The following ASPRV1 variants were observed in gnomAD, a reference collection of about 807,000 sequenced individuals.
ASPRV1 encodes aspartic peptidase retroviral like 1, also known as retroviral-like aspartic protease 1.
ASPRV1 carries 7 observed loss-of-function variants against 11.0 expected under a neutral mutation model. That is an observed-to-expected ratio of 0.64 (90% confidence interval 0.36 to 1.20). The LOEUF (loss-of-function observed/expected upper bound fraction) is 1.20, where lower values mean the gene tolerates loss of function less well. Among genes scored for constraint, ASPRV1 ranks in the 50% most tolerant of loss-of-function variants. The probability of loss-of-function intolerance (pLI) is 0.02; values close to 1 mark genes in which losing one functional copy is unlikely to be tolerated. For missense variants in ASPRV1, 299 were observed against 320.0 expected (o/e 0.93, Z 0.50); for synonymous variants, 136 against 138.4 (o/e 0.98, Z 0.12).
chr2:70,006,070 T>C, the ASPRV1 span, among the ~76,000 whole-genome samples: 4 of 152,240 alleles, frequency 2.6e-5, no homozygotes, highest in Admixed American at 2.6e-4. Context: ...GGCCTCTTTC[T>C]ACCCACTAGA....
the ASPRV1 span, chr2:70,086,624 G>C: frequency 4.6e-5 from 7 of 152,392 alleles, no homozygotes; most frequent in South Asian, 1.4e-3. Context: ...GCCCTGGCCG[G>C]CAGCCCCTGA....
At chr2:69,969,562 T>G in the ASPRV1 span, among the ~76,000 whole-genome samples, 1 of 152,178 alleles carries the variant, frequency 6.6e-6, no homozygotes, top group African/African-American at 2.4e-5. Flanking sequence ...TGTGGCTCCC[T>G]GAGGCTCTGT....
At chr2:70,026,161 A>G in the ASPRV1 span, among the ~76,000 whole-genome samples, 1 of 152,190 alleles carries the variant, frequency 6.6e-6, no homozygotes, top group African/African-American at 2.4e-5. Flanking sequence ...TCTACTAAAA[A>G]TACAAAAATT....
chr2:69,965,477 A>C (rs1678308966), upstream of ASPRV1, among the ~76,000 whole-genome samples: 1 of 151,958 alleles, frequency 6.6e-6, no homozygotes, highest in Non-Finnish European at 1.5e-5. Context: ...AAAAACAAAA[A>C]CTCATAAACT....
rs143824935 is a variant in ASPRV1 at position 69,960,996 on chromosome 2, G to T, written c.441C>A (p.Gly147=). The change falls in exon 1 of 1, where the codon GGC becomes GGA. Residue 147 remains glycine (G), a synonymous_variant. Transcript: ENST00000320256. ...HPNLWEEVTD[G]DLDTLQPFEN... is the part of the protein sequence containing the mutation. ...CAAAGGGCTGCAGGGTGTCCAGATCGCCATCAGTGACCTCCTCCCACAAGT... is the reference window on the plus strand; with the variant it reads ...CAAAGGGCTGCAGGGTGTCCAGATCTCCATCAGTGACCTCCTCCCACAAGT... 1 of 1,614,004 alleles carries T rather than the reference G, an allele frequency of 6.2e-7. No homozygotes were observed. The highest frequency in any genetic ancestry group is 1.6e-4 in the Middle Eastern group (1 of 6,062).
At chr2:70,051,068 G>A in the ASPRV1 span, 2 of 152,114 alleles carry the variant, frequency 1.3e-5, no homozygotes, top group African/African-American at 4.8e-5. Flanking sequence ...CATTCCTAAT[G>A]AGTGCTATGT....
the ASPRV1 span, among the ~76,000 whole-genome samples, chr2:70,020,744 G>C: frequency 1.3e-5 from 2 of 151,978 alleles, no homozygotes; most frequent in Non-Finnish European, 2.9e-5. Flanking sequence ...AAGACATTGT[G>C]CAGAGTGATG....
chr2:70,030,941 G>C, the ASPRV1 span: 10 of 152,114 alleles, frequency 6.6e-5, no homozygotes, highest in African/African-American at 2.2e-4. Flanking sequence ...AGAACTGCTA[G>C]GTCAGTGAAG....
the ASPRV1 span, among the ~76,000 whole-genome samples, chr2:70,028,188 C>T: frequency 6.6e-6 from 1 of 152,166 alleles, no homozygotes; most frequent in Non-Finnish European, 1.5e-5. Context: ...CAGCATTATT[C>T]TGAGCTGTTG....
the ASPRV1 span, among the ~76,000 whole-genome samples, chr2:70,005,867 A>G: frequency 1.3e-5 from 2 of 152,106 alleles, no homozygotes; most frequent in African/African-American, 4.8e-5. Flanking sequence ...CTTCCCTTCA[A>G]CCCAGATACC....
chr2:70,008,617 A>G, the ASPRV1 span, among the ~76,000 whole-genome samples: 1 of 151,492 alleles, frequency 6.6e-6, no homozygotes, highest in East Asian at 1.9e-4. Context: ...TTCTTAAAAC[A>G]TTATGAAATG....
the ASPRV1 span, chr2:70,060,256 A>ACTTGAACTCAG: frequency 1.4e-5 from 2 of 147,968 alleles, no homozygotes; most frequent in Admixed American, 1.4e-4. Context: ...CATGAGAATT[A>ACTTGAACTCAG]CTTGAACTCA....
the ASPRV1 span, among the ~76,000 whole-genome samples, chr2:70,071,021 T>A: frequency 6.6e-6 from 1 of 152,146 alleles, no homozygotes; most frequent in African/African-American, 2.4e-5. Flanking sequence ...AGTGGCCTGA[T>A]GAAGTAAATG....
At chr2:70,049,134 C>A in the ASPRV1 span, 1 of 150,320 alleles carries the variant, frequency 6.7e-6, no homozygotes, top group Non-Finnish European at 1.5e-5. Flanking sequence ...GTGTGCTACA[C>A]CCATTAACTC....
At chr2:69,952,470 A>T in the ASPRV1 span, among the ~76,000 whole-genome samples, 5 of 152,080 alleles carry the variant, frequency 3.3e-5, no homozygotes, top group South Asian at 1.0e-3. Context: ...GTGACACTGC[A>T]CTCCAGCCTG....
chr2:70,062,844 A>G, the ASPRV1 span, among the ~76,000 whole-genome samples: 2 of 152,334 alleles, frequency 1.3e-5, no homozygotes, highest in African/African-American at 4.8e-5. Context: ...GAAGGTCCCA[A>G]AGCAGAAAAT....
the ASPRV1 span, among the ~76,000 whole-genome samples, chr2:70,016,749 C>A: frequency 6.6e-6 from 1 of 151,756 alleles, no homozygotes; most frequent in Non-Finnish European, 1.5e-5. Flanking sequence ...GAGGCTGAGG[C>A]ATGAGAATTG....
chr2:70,052,186 T>C, the ASPRV1 span, among the ~76,000 whole-genome samples: 3 of 151,446 alleles, frequency 2.0e-5, no homozygotes, highest in African/African-American at 7.3e-5. Context: ...GGAAGAGAGA[T>C]AGGGAAGAAA....
At chr2:69,992,216 G>C in the ASPRV1 span, among the ~76,000 whole-genome samples, 1 of 152,098 alleles carries the variant, frequency 6.6e-6, no homozygotes, top group African/African-American at 2.4e-5. Flanking sequence ...AATGGGAATT[G>C]TGCACTTTTT....
Sources: gnomAD v4.1 joint callset for allele counts (sites outside exome capture counted in the v4.1 genomes callset) on GRCh38, gnomAD v4.1.1 for gene constraint, MANE v1.5 for transcripts, NCBI Gene and HGNC (gene_info 2026-07-23, HGNC 2026-07-21) for gene names.